The following LAMA2 variants were observed in gnomAD, a reference collection of about 807,000 sequenced individuals.
LAMA2 encodes the protein laminin subunit alpha 2, also known as laminin subunit alpha-2.
A neutral mutation model predicts 364.8 loss-of-function variants in LAMA2; 269 were observed. The ratio of observed to expected loss-of-function variants is 0.74; its 90% CI spans 0.67 to 0.82. LAMA2 has a LOEUF of 0.82. Among genes scored for constraint, LAMA2 ranks in the 40% least tolerant of loss-of-function variants. The probability of loss-of-function intolerance (pLI) is 0.00; values close to 1 mark genes in which losing one functional copy is unlikely to be tolerated. For synonymous variants in LAMA2, 1,379 were observed against 1,370.6 expected, an observed-to-expected ratio of 1.01 and a Z score of -0.14; for missense variants, 3,807 against 3,873.2, an observed-to-expected ratio of 0.98 and a Z score of 0.45.
intron 16 of LAMA2, among the ~76,000 whole-genome samples, chr6:129,270,266 TACAC>T (rs10522614): frequency 0.02 from 2,885 of 142,964 alleles, 116 homozygotes; most frequent in African/African-American, 0.07. Flanking sequence ...GCTCTATGAC[TACAC>T]ACACACACAC....
intron 1 of LAMA2, among the ~76,000 whole-genome samples, chr6:128,938,828 C>T (rs1202272606): frequency 1.3e-5 from 2 of 152,038 alleles, no homozygotes; most frequent in Non-Finnish European, 2.9e-5. Context: ...ATCTTGACTC[C>T]CAAACCTACT....
chr6:129,083,741 T>C (rs1159613766), intron 3 of LAMA2, among the ~76,000 whole-genome samples: 1 of 152,202 alleles, frequency 6.6e-6, no homozygotes, highest in Non-Finnish European at 1.5e-5. Flanking sequence ...GTTCTTTCCT[T>C]TTCAAGATTA....
chr6:129,128,920 A>T (rs569352914), intron 4 of LAMA2, among the ~76,000 whole-genome samples: 18 of 152,316 alleles, frequency 1.2e-4, no homozygotes, highest in African/African-American at 4.1e-4. Context: ...TATAAGTGAA[A>T]TATTTCTTAA....
intron 58 of LAMA2, among the ~76,000 whole-genome samples, chr6:129,493,800 G>C (rs1329741868): frequency 6.6e-6 from 1 of 152,150 alleles, no homozygotes; most frequent in African/African-American, 2.4e-5. Context: ...GTAAAAGGCA[G>C]AGTAAGAATT....
At chr6:129,131,295 C>A (rs1777462790) in intron 4 of LAMA2, among the ~76,000 whole-genome samples, 1 of 152,178 alleles carries the variant, frequency 6.6e-6, no homozygotes, top group South Asian at 2.1e-4. Flanking sequence ...CAATAATGAT[C>A]AGTGACTTCT....
At position 129,430,032 on chromosome 6, in the gene LAMA2, A is replaced by G. The variant is rs11963278; in HGVS notation, c.5968+2178A>G. Among the ~76,000 whole-genome samples the G allele has an allele frequency of 6.1e-3, 926 of 152,330 alleles. 8 individuals are homozygous for G. Among genetic ancestry groups the G allele is most frequent in the African/African-American group, 0.02 (826 of 41,568 alleles). On this transcript the variant is annotated intron_variant, in intron 41 of 64. Coordinates refer to ENST00000421865, the MANE Select transcript of LAMA2 (RefSeq NM_000426.4). Reference sequence around the variant, plus strand: ...AGTAATGAAAACCCACAAACTACTCAAGTAATAATTCCTCTAGAAAACCAA... The same window carrying G: ...AGTAATGAAAACCCACAAACTACTCGAGTAATAATTCCTCTAGAAAACCAA...
chr6:129,145,294 A>T (rs1456870564), intron 5 of LAMA2, among the ~76,000 whole-genome samples: 1 of 152,002 alleles, frequency 6.6e-6, no homozygotes, highest in East Asian at 1.9e-4. Context: ...TCACAAGATA[A>T]CTTTTAAGGC....
Position 129,315,773 on chromosome 6 carries a change from TG to T in LAMA2, c.3752del (p.Gly1251AlafsTer24). 1.2e-6 allele frequency: 2 copies of T among 1,614,086 alleles called. No individual in the cohort carries two copies. Among genetic ancestry groups the T allele is most frequent in the Non-Finnish European group, 1.7e-6 (2 of 1,179,992 alleles). Reference protein sequence around the residue: ...QFEGKKLMAYGGKLKYAIYFE... With the variant: ...QFEGKKLMAYXGKLKYAIYFE... Reference sequence around the variant, plus strand: ...TTTTATTTTGTCAGTTGATGGCCTATGGGGGCAAACTCAAGTATGCAATCTA... The same window carrying T: ...TTTTATTTTGTCAGTTGATGGCCTATGGGGCAAACTCAAGTATGCAATCTA... On this transcript the variant is annotated frameshift_variant, in exon 26 of 65. Coordinates refer to ENST00000421865, the MANE Select transcript of LAMA2 (RefSeq NM_000426.4). LOFTEE classifies it high-confidence loss of function.
intron 8 of LAMA2, chr6:129,159,244 C>T: frequency 2.4e-6 from 2 of 818,236 alleles, no homozygotes; most frequent in Non-Finnish European, 4.2e-6. Flanking sequence ...TTGACAATGA[C>T]TTCAACTCCC....
chr6:129,184,655 G>A (rs764789948), intron 10 of LAMA2, among the ~76,000 whole-genome samples: 6 of 151,660 alleles, frequency 4.0e-5, no homozygotes, highest in Non-Finnish European at 8.8e-5. Flanking sequence ...ATGATTGTTC[G>A]CCCCTGATCC....
intron 4 of LAMA2, among the ~76,000 whole-genome samples, chr6:129,134,789 C>G (rs1777685696): frequency 6.6e-6 from 1 of 152,150 alleles, no homozygotes; most frequent in Non-Finnish European, 1.5e-5. Flanking sequence ...TAGTACTGGT[C>G]CATGGCCCAG....
intron 3 of LAMA2, among the ~76,000 whole-genome samples, chr6:129,067,133 T>C (rs73596765): frequency 0.028 from 4,218 of 152,302 alleles, 185 homozygotes; most frequent in African/African-American, 0.097. Flanking sequence ...GCTCTTCAAA[T>C]CACTGAATTT....
At chr6:129,460,945 G>T (rs990569172) in intron 49 of LAMA2, among the ~76,000 whole-genome samples, 2 of 151,912 alleles carry the variant, frequency 1.3e-5, no homozygotes, top group Non-Finnish European at 2.9e-5. Flanking sequence ...TTATAAGATA[G>T]AGGGTAGAAT....
intron 4 of LAMA2, among the ~76,000 whole-genome samples, chr6:129,108,063 A>G (rs1380978625): frequency 6.9e-6 from 1 of 145,240 alleles, no homozygotes; most frequent in Non-Finnish European, 1.5e-5. Flanking sequence ...GAATTACTTC[A>G]TTTTTATATC....
chr6:129,488,765 A>G (rs1784719941), intron 56 of LAMA2, among the ~76,000 whole-genome samples: 1 of 152,242 alleles, frequency 6.6e-6, no homozygotes, highest in Non-Finnish European at 1.5e-5. Context: ...AATCTACTCT[A>G]TAAGCAAGTG....
intron 33 of LAMA2, among the ~76,000 whole-genome samples, chr6:129,368,808 C>T (rs1379573974): frequency 6.6e-6 from 1 of 152,156 alleles, no homozygotes; most frequent in Non-Finnish European, 1.5e-5. Flanking sequence ...TACTGAGGAT[C>T]ACCTTCTGGT....
At chr6:129,032,950 C>G (rs774256103) in intron 1 of LAMA2, among the ~76,000 whole-genome samples, 2 of 152,062 alleles carry the variant, frequency 1.3e-5, no homozygotes, top group Middle Eastern at 3.2e-3. Flanking sequence ...GGGATTAGAA[C>G]GCTGAAAACC....
intron 15 of LAMA2, 102 bp downstream of exon 15, chr6:129,260,924 C>T (rs1787082358): frequency 2.6e-6 from 2 of 765,246 alleles, no homozygotes; most frequent in African/African-American, 1.7e-5. Context: ...TCAATAATTA[C>T]ACAAATAATG....
chr6:129,020,170 G>C (rs1346402660), intron 1 of LAMA2, among the ~76,000 whole-genome samples: 1 of 151,410 alleles, frequency 6.6e-6, no homozygotes, highest in African/African-American at 2.4e-5. Context: ...AAAGCTAGCT[G>C]TTTTGCCAGG....
Sources: allele counts gnomAD v4.1 joint callset (sites outside exome capture counted in the v4.1 genomes callset), GRCh38; gene constraint gnomAD v4.1.1; transcripts MANE v1.5; gene names NCBI Gene and HGNC (gene_info 2026-07-23, HGNC 2026-07-21).